The following RSPO2 variants were observed in gnomAD, a reference collection of about 807,000 sequenced individuals.
RSPO2 encodes R-spondin 2, also known as R-spondin-2.
In RSPO2, 14 loss-of-function variants were observed where a neutral mutation model predicts 30.9. The observed-to-expected ratio is 0.45, with a 90% CI of 0.30 to 0.71. The LOEUF (loss-of-function observed/expected upper bound fraction) is 0.71. RSPO2 is among the 30% of genes least tolerant of loss of function. RSPO2 has a pLI of 0.08. For missense variants in RSPO2, 264 were observed against 301.9 expected, an observed-to-expected ratio of 0.87 and a Z score of 0.93; for synonymous variants, 107 against 96.4, an observed-to-expected ratio of 1.11 and a Z score of -0.64.
intron 2 of RSPO2, among the ~76,000 whole-genome samples, chr8:108,053,008 G>T (rs1812122611): frequency 6.6e-6 from 1 of 152,116 alleles, no homozygotes; most frequent in Non-Finnish European, 1.5e-5. Context: ...AGAGTTGTTA[G>T]TGCTAACCTA....
intron 2 of RSPO2, among the ~76,000 whole-genome samples, chr8:108,018,975 C>T (rs976447222): frequency 2.6e-5 from 4 of 152,246 alleles, no homozygotes; most frequent in Admixed American, 1.3e-4. Flanking sequence ...GTGTAGCTAA[C>T]ACAACATAGA....
At chr8:107,973,922 C>G (rs900041450) in intron 3 of RSPO2, among the ~76,000 whole-genome samples, 10 of 152,138 alleles carry the variant, frequency 6.6e-5, no homozygotes, top group Non-Finnish European at 1.3e-4. Context: ...TCAATCTTGG[C>G]AAAATAAACC....
intron 4 of RSPO2, among the ~76,000 whole-genome samples, chr8:107,960,093 A>G (rs908475308): frequency 6.6e-6 from 1 of 152,144 alleles, no homozygotes; most frequent in Non-Finnish European, 1.5e-5. Flanking sequence ...AAGGTATTTT[A>G]CCAACTCTCA....
At chr8:108,071,431 G>A (rs1812840932) in intron 2 of RSPO2, among the ~76,000 whole-genome samples, 1 of 152,130 alleles carries the variant, frequency 6.6e-6, no homozygotes, top group African/African-American at 2.4e-5. Flanking sequence ...TTCTGGGAAC[G>A]ACTGCTGTAC....
intron 5 of RSPO2, among the ~76,000 whole-genome samples, chr8:107,904,230 T>A (rs2130247446): frequency 6.6e-6 from 1 of 152,078 alleles, no homozygotes; most frequent in African/African-American, 2.4e-5. Context: ...AGCACATATA[T>A]GCTATACGGG....
intron 2 of RSPO2, among the ~76,000 whole-genome samples, chr8:108,080,295 T>C (rs946019223): frequency 2.0e-5 from 3 of 152,216 alleles, no homozygotes; most frequent in East Asian, 1.9e-4. Flanking sequence ...ACAGTTATTT[T>C]AGCCAGAAAC....
chr8:108,058,571 G>A (rs979244095), intron 2 of RSPO2, among the ~76,000 whole-genome samples: 1 of 151,914 alleles, frequency 6.6e-6, no homozygotes, highest in African/African-American at 2.4e-5. Flanking sequence ...CAAAGCTGGA[G>A]GCATCACACT....
At chr8:107,961,790 GC>G (rs1454747710) in intron 3 of RSPO2, among the ~76,000 whole-genome samples, 1 of 152,114 alleles carries the variant, frequency 6.6e-6, no homozygotes, top group Non-Finnish European at 1.5e-5. Context: ...GCAGATAGAA[GC>G]CACAGTGAAT....
At chr8:107,942,068 T>C (rs1471626780) in intron 5 of RSPO2, among the ~76,000 whole-genome samples, 2 of 152,128 alleles carry the variant, frequency 1.3e-5, no homozygotes, top group African/African-American at 2.4e-5. Flanking sequence ...GAGAATCAAC[T>C]GAAACCAGAA....
At chr8:107,909,502 C>T (rs1192084028) in intron 5 of RSPO2, among the ~76,000 whole-genome samples, 2 of 152,072 alleles carry the variant, frequency 1.3e-5, no homozygotes, top group Non-Finnish European at 1.5e-5. Flanking sequence ...ACCTCGTGAT[C>T]CTCCTGCTGG....
chr8:107,964,546 G>T (rs911148337), intron 3 of RSPO2, among the ~76,000 whole-genome samples: 2 of 152,038 alleles, frequency 1.3e-5, no homozygotes, highest in African/African-American at 2.4e-5. Flanking sequence ...CAATATTTTT[G>T]AAAGCAAGCA....
intron 2 of RSPO2, among the ~76,000 whole-genome samples, chr8:108,008,269 A>C (rs1291693030): frequency 6.6e-6 from 1 of 152,172 alleles, no homozygotes; most frequent in Non-Finnish European, 1.5e-5. Context: ...TTTTCTAATA[A>C]TCAGATGGCA....
chr8:108,022,148 A>T (rs1193112902), intron 2 of RSPO2, among the ~76,000 whole-genome samples: 1 of 152,146 alleles, frequency 6.6e-6, no homozygotes, highest in African/African-American at 2.4e-5. Flanking sequence ...ATGCTACAAA[A>T]GTCCTATCAA....
At chr8:108,076,064 G>A (rs1383800370) in intron 2 of RSPO2, among the ~76,000 whole-genome samples, 1 of 152,218 alleles carries the variant, frequency 6.6e-6, no homozygotes, top group Non-Finnish European at 1.5e-5. Flanking sequence ...ATTGATTTTG[G>A]CTTTAGAAAG....
intron 2 of RSPO2, among the ~76,000 whole-genome samples, chr8:108,062,261 A>G: frequency 6.6e-6 from 1 of 151,868 alleles, no homozygotes; most frequent in East Asian, 1.9e-4. Context: ...GGTTTTTTGA[A>G]AAGATCAACA....
intron 2 of RSPO2, among the ~76,000 whole-genome samples, chr8:108,014,863 A>G (rs1461896375): frequency 6.6e-6 from 1 of 152,026 alleles, no homozygotes; most frequent in Non-Finnish European, 1.5e-5. Flanking sequence ...AAAAAAGAAA[A>G]AAAATTCGGT....
chr8:107,948,261 T>C (rs941110509), intron 5 of RSPO2, among the ~76,000 whole-genome samples: 29 of 152,322 alleles, frequency 1.9e-4, no homozygotes, highest in Admixed American at 5.9e-4. Flanking sequence ...AAGTAATGGA[T>C]GCTTAATTGA....
intron 5 of RSPO2, among the ~76,000 whole-genome samples, chr8:107,942,533 C>T (rs1371997386): frequency 2.0e-5 from 3 of 152,072 alleles, no homozygotes; most frequent in Non-Finnish European, 4.4e-5. Flanking sequence ...CCTGAAATAG[C>T]ACTAGAAAGT....
At chr8:108,012,704 T>C (rs904039797) in intron 2 of RSPO2, among the ~76,000 whole-genome samples, 4 of 152,282 alleles carry the variant, frequency 2.6e-5, no homozygotes, top group South Asian at 4.1e-4. Flanking sequence ...ATTCAACCTA[T>C]AGTATGAGAA....
Sources: gnomAD v4.1 joint callset for allele counts (sites outside exome capture counted in the v4.1 genomes callset) on GRCh38, gnomAD v4.1.1 for gene constraint, MANE v1.5 for transcripts, NCBI Gene and HGNC (gene_info 2026-07-23, HGNC 2026-07-21) for gene names.